NCAPD2: variants seen among roughly 807,000 people sequenced by gnomAD.
The protein encoded by NCAPD2 is condensin complex subunit 1.
NCAPD2 carries 100 observed loss-of-function variants against 164.5 expected under a neutral mutation model. That is an observed-to-expected ratio of 0.61 (90% confidence interval 0.52 to 0.72). The LOEUF is 0.72. NCAPD2 is among the 30% of genes least tolerant of loss of function. The pLI, the probability that NCAPD2 is intolerant of heterozygous loss-of-function variation, is 0.00. For synonymous variants in NCAPD2, 585 were observed against 642.6 expected, an observed-to-expected ratio of 0.91 and a Z score of 1.36; for missense variants, 1,560 against 1,749.2, an observed-to-expected ratio of 0.89 and a Z score of 1.93.
chr12:6,518,504 G>GTTTTTTTATTTTTTTTTTT (rs1946226659), intron 13 of NCAPD2, among the ~76,000 whole-genome samples: 1 of 44,774 alleles, frequency 2.2e-5, no homozygotes. Flanking sequence ...CCGTCAACAA[G>GTTTTTTTATTTTTTTTTTT]TTTTTTTTTT....
rs534831453 is a variant in NCAPD2 at position 6,526,715 on chromosome 12, G to A, written c.2734+100G>A. On this transcript the variant is annotated intron_variant, in intron 21 of 31. Coordinates refer to ENST00000315579, the MANE Select transcript of NCAPD2 (RefSeq NM_014865.4). Reference sequence around the variant, plus strand: ...ACCACTATCTGCAACAACCCTTAGTGTACACTGTGTCGTTTTTGTCTAAGT... The same window carrying A: ...ACCACTATCTGCAACAACCCTTAGTATACACTGTGTCGTTTTTGTCTAAGT... 1.1e-5 allele frequency: 17 copies of A among 1,483,726 alleles called. No individual in the cohort carries two copies. In the African/African-American group the frequency reaches 2.4e-4, roughly 21 times the overall value. 91.9% of individuals were successfully genotyped at this position (1,483,726 alleles called of 1,614,324 possible). A position where few individuals can be genotyped will look rare whatever the true frequency, so the allele number is the denominator to read the frequency against.
Position 6,528,301 on chromosome 12 carries a change from A to C in NCAPD2, c.3272A>C (p.Asp1091Ala). 6.2e-7 allele frequency: 1 copy of C among 1,613,574 alleles called. No individual in the cohort carries two copies. Among genetic ancestry groups the C allele is most frequent in the South Asian group, 1.1e-5 (1 of 91,064 alleles). Residue 1091 changes from aspartate to alanine, a missense_variant, in exon 25 of 32, where the codon GAC becomes GCC. By Grantham distance (126) the Asp-to-Ala change is moderately radical. Coordinates refer to ENST00000315579, the MANE Select transcript of NCAPD2 (RefSeq NM_014865.4). This position sits in a 1 kb window ranked among gnomAD's most constrained non-coding sequence, Gnocchi z 5.1. ...GCCATCCGCTTTCCCAATCTGGTGG[A>C]CCCCTGGACTCCTCATCTGTATGCT... is the stretch of plus-strand genomic sequence containing the variant. ...DLAIRFPNLV[D>A]PWTPHLYARL... is the part of the protein sequence containing the mutation.
rs549121029 is a variant in NCAPD2 at position 6,523,484 on chromosome 12, G to A, written c.2214+138G>A. ...ACAATCTTGGCTCACTGCAACCTCC[G>A]CCTCCCAGGTTCAAGCAATTCTCCT... On this transcript the variant is annotated intron_variant, in intron 17 of 31. Transcript: ENST00000315579. The A allele has an allele frequency of 4.7e-5, 30 of 633,370 alleles. No individual in the cohort carries two copies. The African/African-American group carries it at 5.0e-4, about 11-fold the overall frequency. 39.2% of individuals were successfully genotyped at this position (633,370 alleles called of 1,614,324 possible).
Position 6,516,809 on chromosome 12 carries a change from C to G in NCAPD2, c.988-19C>G, listed in dbSNP as rs376786520. ...CGCCTTGACTAAAGGTTTGACCCCTCTATGCTTCTCTCTCTTAGAATTACA... is the reference window on the plus strand; with the variant it reads ...CGCCTTGACTAAAGGTTTGACCCCTGTATGCTTCTCTCTCTTAGAATTACA... On this transcript the variant is annotated intron_variant, in intron 9 of 31. Coordinates refer to ENST00000315579, the MANE Select transcript of NCAPD2 (RefSeq NM_014865.4). The G allele has an allele frequency of 9.9e-6, 16 of 1,613,400 alleles. No individual in the cohort carries two copies. The highest frequency in any genetic ancestry group is 2.2e-5 in the South Asian group (2 of 91,054).
chr12:6,500,159 C>G (rs1946021802), intron 2 of NCAPD2, among the ~76,000 whole-genome samples: 3 of 152,088 alleles, frequency 2.0e-5, no homozygotes, highest in Admixed American at 2.0e-4. Context: ...GGAATGGTGG[C>G]TTGTCCCTGT....
In NCAPD2 at chr12:6,528,421, C is replaced by G. The variant is rs1946337980; in HGVS notation, c.3299+93C>G. On this transcript the variant is annotated intron_variant, in intron 25 of 31. Transcript: ENST00000315579. The surrounding 1 kb of genome is among the most constrained non-coding windows in gnomAD (Gnocchi z 5.1). The stretch of plus-strand genomic sequence containing the variant: ...GAATCACCAGGGCTCTTCCCCTAGG[C>G]TTTGGCATCACCGCGAACATCTGCT... The G allele has an allele frequency of 6.5e-7, 1 of 1,538,180 alleles. No homozygotes were observed.
At position 6,504,216 on chromosome 12, in the gene NCAPD2, T is replaced by TACACATATATATACAC. The variant is rs1406807438; in HGVS notation, c.128-5500_128-5499insCACATATATATACACA. On this transcript the variant is annotated intron_variant, in intron 2 of 31. Coordinates refer to ENST00000315579, the MANE Select transcript of NCAPD2 (RefSeq NM_014865.4). The stretch of plus-strand genomic sequence containing the variant: ...ATATATATATATATATATATATATA[T>TACACATATATATACAC]AGATATAGATATATATATATATATA... 5.0e-3 allele frequency among the ~76,000 whole-genome samples: 115 copies of TACACATATATATACAC among 23,198 alleles called. 2 individuals are homozygous for TACACATATATATACAC. Among genetic ancestry groups the TACACATATATATACAC allele is most frequent in the Admixed American group, 0.039 (67 of 1,712 alleles). 15.2% of individuals were successfully genotyped at this position (23,198 alleles called of 152,430 possible). A position where few individuals can be genotyped will look rare whatever the true frequency, so the allele number is the denominator to read the frequency against.
At chr12:6,514,130 T>C in intron 6 of NCAPD2, 135 bp from the exon 7 acceptor site, 1 of 1,233,508 alleles carries the variant, frequency 8.1e-7, no homozygotes, top group South Asian at 1.4e-5. Context: ...CAAAGCAACT[T>C]GTTATAGAAA....
intron 2 of NCAPD2, among the ~76,000 whole-genome samples, chr12:6,507,550 G>C (rs564685364): frequency 6.6e-6 from 1 of 152,194 alleles, no homozygotes; most frequent in South Asian, 2.1e-4. Context: ...CATTTGCCGG[G>C]GTCGGGTTGC....
chr12:6,514,672 C>T (rs184968145), intron 8 of NCAPD2, 85 bp downstream of exon 8: 1 of 1,607,244 alleles, frequency 6.2e-7, no homozygotes, highest in South Asian at 1.1e-5. Flanking sequence ...ATCTGTGCAA[C>T]AGTAGATTCC....
Position 6,529,503 on chromosome 12 carries a change from C to T in NCAPD2, c.3573-10C>T. The T allele has an allele frequency of 6.2e-7, 1 of 1,613,754 alleles. No individual in the cohort carries two copies. The highest frequency in any genetic ancestry group is 1.3e-5 in the African/African-American group (1 of 75,022). On this transcript the variant is annotated splice_polypyrimidine_tract_variant and intron_variant, in intron 27 of 31. Transcript: ENST00000315579. ...GGGCCATCGAACATCCTCATCTCCC[C>T]TTCCTGCAGACAGCTCCTCTCCTAC...
rs1477424711 is a variant in NCAPD2, at chr12:6,514,811, A to G, written c.878A>G (p.Asp293Gly). The G allele has an allele frequency of 5.6e-6, 9 of 1,614,048 alleles. No individual in the cohort carries two copies. The highest frequency in any genetic ancestry group is 7.6e-6 in the Non-Finnish European group (9 of 1,180,044). The change falls in exon 9 of 32, where the codon GAC becomes GGC. Residue 293 changes from aspartate (D) to glycine (G), a missense_variant. Asp to Gly is a moderately conservative substitution (Grantham distance 94). Coordinates refer to ENST00000315579, the MANE Select transcript of NCAPD2 (RefSeq NM_014865.4). Reference sequence around the variant, plus strand: ...AAGTGTCCCCAAGAGCTGAGTCGAGACCCTTCAGGGACAAAGGGCTTTGCA... The same window carrying G: ...AAGTGTCCCCAAGAGCTGAGTCGAGGCCCTTCAGGGACAAAGGGCTTTGCA... The part of the protein sequence containing the change: ...GQKCPQELSR[D>G]PSGTKGFAAF...
Position 6,529,401 on chromosome 12 carries a change from G to A in NCAPD2, c.3573-112G>A, listed in dbSNP as rs1332336276. ...GGGAGTGGTGAGGCAGACAGGGGCC[G>A]TGGCAGAGAACATCAGAGAAGACGA... On this transcript the variant is annotated intron_variant, in intron 27 of 31. Coordinates refer to ENST00000315579, the MANE Select transcript of NCAPD2 (RefSeq NM_014865.4). 1.6e-5 allele frequency: 16 copies of A among 973,842 alleles called. No homozygotes were observed. The Admixed American group carries it at 2.1e-4, about 13-fold the overall frequency. The allele number at this position is 973,842 out of a possible 1,614,324, so 60.3% of individuals were successfully genotyped here. A position where few individuals can be genotyped will look rare whatever the true frequency, so the allele number is the denominator to read the frequency against.
In NCAPD2 at chr12:6,514,481, A is replaced by T. The variant is rs1403727114; in HGVS notation, c.733A>T (p.Ile245Phe). 3.1e-6 allele frequency: 5 copies of T among 1,614,206 alleles called. No homozygotes were observed. The South Asian group carries it at 4.4e-5, about 14-fold the overall frequency. ...TTCCACAGGTGCTACAGTGAAGATC[A>T]TCCAGATGCTGCAGCACTTTGAACA... is the stretch of plus-strand genomic sequence containing the variant. ...NHMLSATVKI[I>F]QMLQHFEHLA... The change falls in exon 8 of 32, where the codon ATC becomes TTC. Residue 245 changes from isoleucine (I) to phenylalanine (F), a missense_variant. Physicochemically the swap from Ile to Phe is conservative, Grantham distance 21. Coordinates refer to ENST00000315579, the MANE Select transcript of NCAPD2 (RefSeq NM_014865.4).
chr12:6,525,725 C>T lies in NCAPD2; in HGVS notation c.2348+9C>T, dbSNP rs1293895713. 2.5e-6 allele frequency: 4 copies of T among 1,611,858 alleles called. No individual in the cohort carries two copies. The highest frequency in any genetic ancestry group is 3.4e-6 in the Non-Finnish European group (4 of 1,178,728). On this transcript the variant is annotated intron_variant, in intron 18 of 31. Coordinates refer to ENST00000315579, the MANE Select transcript of NCAPD2 (RefSeq NM_014865.4). The stretch of plus-strand genomic sequence containing the variant: ...CTTGGCATGATGGCACGGTGAGGCT[C>T]AAATCTAGCAGGCAATGGGGTGGGA...
intron 13 of NCAPD2, chr12:6,518,285 G>GT (rs1946222828): frequency 5.5e-6 from 1 of 182,246 alleles, no homozygotes; most frequent in African/African-American, 2.4e-5. Flanking sequence ...TTAACTTTCT[G>GT]TGCCTCGGTT....
Position 6,530,768 on chromosome 12 carries a change from T to A in NCAPD2, c.3915T>A (p.Ile1305=). 1 of 1,614,186 alleles carries A rather than the reference T, an allele frequency of 6.2e-7. No homozygotes were observed. The highest frequency in any genetic ancestry group is 8.5e-7 in the Non-Finnish European group (1 of 1,180,016). ...TGGATGGAATCAAGGAGCTTGAGAT[T>A]GGCCAAGCAGGTAGCCAGAGAGCGC... is the stretch of plus-strand genomic sequence containing the variant. ...RGLDGIKELE[I]GQAGSQRAPS... Residue 1305 remains isoleucine (I), a synonymous_variant, in exon 30 of 32, where the codon ATT becomes ATA. Transcript: ENST00000315579.
intron 2 of NCAPD2, among the ~76,000 whole-genome samples, chr12:6,504,210 TATATATA>T (rs1946074718): frequency 4.1e-4 from 9 of 22,108 alleles, no homozygotes; most frequent in African/African-American, 4.0e-3. Context: ...TATATATATA[TATATATA>T]GATATAGATA....
At chr12:6,522,255 C>A (rs1437156187) in intron 15 of NCAPD2, among the ~76,000 whole-genome samples, 1 of 151,932 alleles carries the variant, frequency 6.6e-6, no homozygotes, top group East Asian at 1.9e-4. Context: ...AGTTCTTTTC[C>A]ATATTTTATT....
Sources: allele counts gnomAD v4.1 joint callset (sites outside exome capture counted in the v4.1 genomes callset), GRCh38; gene constraint gnomAD v4.1.1; non-coding constraint Gnocchi (gnomAD v3.1); transcripts MANE v1.5; gene names NCBI Gene and HGNC (gene_info 2026-07-23, HGNC 2026-07-21).